The following PSTPIP2 variants were observed in gnomAD, a reference collection of about 807,000 sequenced individuals.
PSTPIP2 encodes the protein proline-serine-threonine phosphatase-interacting protein 2.
A neutral mutation model predicts 63.3 loss-of-function variants in PSTPIP2; 33 were observed. The observed-to-expected ratio is 0.52, with a 90% confidence interval of 0.40 to 0.70. PSTPIP2 has a LOEUF of 0.70. Ranked by LOEUF, PSTPIP2 falls within the 30% of genes least tolerant of loss-of-function variation. The probability of loss-of-function intolerance (pLI) is 0.00; values close to 1 mark genes in which losing one functional copy is unlikely to be tolerated. For missense variants in PSTPIP2, 312 were observed against 400.7 expected, an observed-to-expected ratio of 0.78 and a Z score of 1.89; for synonymous variants, 125 against 132.7, an observed-to-expected ratio of 0.94 and a Z score of 0.40.
At chr18:46,072,034 G>GC in intron 1 of PSTPIP2, 122 bp downstream of exon 1, 1 of 1,273,084 alleles carries the variant, frequency 7.9e-7, no homozygotes. Context: ...GCTCCGCCAA[G>GC]CCCCCGGGCG....
intron 13 of PSTPIP2, among the ~76,000 whole-genome samples, chr18:45,990,471 C>T (rs2051516256): frequency 6.6e-6 from 1 of 151,868 alleles, no homozygotes. Context: ...GACTCTGTCA[C>T]CAGGCTGGAG....
intron 5 of PSTPIP2, chr18:46,010,641 A>C (rs1412001666): frequency 1.3e-5 from 2 of 152,564 alleles, no homozygotes; most frequent in Non-Finnish European, 2.9e-5. Flanking sequence ...GTCTTCTTCC[A>C]TGTAGTTGGT....
Position 46,011,196 on chromosome 18 carries a change from T to C in PSTPIP2, c.339A>G (p.Lys113=), listed in dbSNP as rs1050599014. Residue 113 remains lysine (K), a synonymous_variant, in exon 5 of 15, where the codon AAA becomes AAG. Transcript: ENST00000409746. ...CAAATCCAACCTTTTTTCGTTGTAG[T>C]TTTTGCTTTTCCCTGAATTCTTCCA... ...RKMEEFREKQ[K]LQRKKTELIM... 5 of 1,613,326 alleles carry C rather than the reference T, an allele frequency of 3.1e-6. No homozygotes were observed. The highest frequency in any genetic ancestry group is 2.7e-5 in the African/African-American group (2 of 74,884).
chr18:46,072,237 G>T lies in PSTPIP2; in HGVS notation c.-49C>A. The T allele has an allele frequency of 6.6e-7, 1 of 1,521,110 alleles. No homozygotes were observed. The highest frequency in any genetic ancestry group is 8.8e-7 in the Non-Finnish European group (1 of 1,134,016). The allele number at this position is 1,521,110 out of a possible 1,614,324, so 94.2% of individuals were successfully genotyped here. ...GGAGAGCCGGGCCGCAGGTAGCACA[G>T]AGCGGGGAGGCCTGACTGCCACTGC... is the stretch of plus-strand genomic sequence containing the variant. On this transcript the variant is annotated 5_prime_UTR_variant, in exon 1 of 15. In the 5' UTR this introduces an upstream ATG that the reference lacks. Transcript: ENST00000409746.
At chr18:45,991,331 C>T (rs1343604697) in intron 12 of PSTPIP2, among the ~76,000 whole-genome samples, 3 of 152,118 alleles carry the variant, frequency 2.0e-5, no homozygotes, top group Admixed American at 6.6e-5. Flanking sequence ...GAGTAAAGGG[C>T]CAAGTAGTAA....
intron 5 of PSTPIP2, among the ~76,000 whole-genome samples, chr18:46,007,101 G>A (rs919631922): frequency 3.3e-5 from 5 of 152,236 alleles, no homozygotes; most frequent in African/African-American, 7.2e-5. Flanking sequence ...TGACACTAAC[G>A]CTGTGCAAAA....
At chr18:45,999,401 C>T in intron 7 of PSTPIP2, 35 bp downstream of exon 7, 1 of 1,599,212 alleles carries the variant, frequency 6.3e-7, no homozygotes, top group South Asian at 1.1e-5. Flanking sequence ...ATAGGTCAGT[C>T]TCAGATTTTT....
intron 1 of PSTPIP2, among the ~76,000 whole-genome samples, chr18:46,051,599 A>T (rs1908584898): frequency 6.6e-6 from 1 of 152,224 alleles, no homozygotes. Flanking sequence ...CATAAGAGTC[A>T]GTAGATTTCA....
chr18:45,990,750 T>A lies in PSTPIP2; in HGVS notation c.927A>T (p.Gly309=). The part of the protein sequence containing the change: ...KATGPNLARR[G]PLPIPKSSPD... Reference sequence around the variant, plus strand: ...GTGAGCTTTTAGGAATTGGGAGGGGTCCTCTCCTGTAAGAAATGAAAACCA... The same window carrying A: ...GTGAGCTTTTAGGAATTGGGAGGGGACCTCTCCTGTAAGAAATGAAAACCA... Residue 309 remains glycine, a synonymous_variant, in exon 13 of 15, where the codon GGA becomes GGT. Transcript: ENST00000409746. 1.2e-6 allele frequency: 2 copies of A among 1,603,804 alleles called. No individual in the cohort carries two copies. The highest frequency in any genetic ancestry group is 1.1e-5 in the South Asian group (1 of 90,470).
At chr18:46,016,126 A>G (rs962925206) in intron 3 of PSTPIP2, 189 bp from the exon 4 acceptor site, 6 of 602,476 alleles carry the variant, frequency 1.0e-5, no homozygotes, top group South Asian at 4.4e-5. Context: ...TCCCAGGCAC[A>G]AGAAATTCTT....
At chr18:46,021,229 TAAAAC>T (rs933624166) in intron 3 of PSTPIP2, among the ~76,000 whole-genome samples, 2 of 152,110 alleles carry the variant, frequency 1.3e-5, no homozygotes, top group Non-Finnish European at 2.9e-5. Flanking sequence ...CCCTATAATT[TAAAAC>T]AAACCGAAAC....
Position 45,985,130 on chromosome 18 carries a change from C to T in PSTPIP2, c.*329G>A. 2.8e-6 allele frequency: 1 copy of T among 351,842 alleles called. No individual in the cohort carries two copies. Among genetic ancestry groups the T allele is most frequent in the South Asian group, 4.9e-5 (1 of 20,394 alleles). 21.8% of individuals were successfully genotyped at this position (351,842 alleles called of 1,614,324 possible). A position where few individuals can be genotyped will look rare whatever the true frequency, so the allele number is the denominator to read the frequency against. On this transcript the variant is annotated 3_prime_UTR_variant, in exon 15 of 15. Transcript: ENST00000409746. ...GTTGGTGGCTCAGAATCCTCTGCTG[C>T]CACCTCTGCTCCTCAAGTGGATGCT...
rs2051456180 is a variant in PSTPIP2 at position 45,985,299 on chromosome 18, C to T, written c.*160G>A. ...CAGAACTCTACTTGCTTATGTTGTC[C>T]TAAATGTCTACCATAAATTTTAAAT... On this transcript the variant is annotated 3_prime_UTR_variant, in exon 15 of 15. Coordinates refer to ENST00000409746, the MANE Select transcript of PSTPIP2 (RefSeq NM_024430.4). 9.7e-7 allele frequency: 1 copy of T among 1,032,148 alleles called. No individual in the cohort carries two copies. Among genetic ancestry groups the T allele is most frequent in the Non-Finnish European group, 1.4e-6 (1 of 706,260 alleles). 63.9% of individuals were successfully genotyped at this position (1,032,148 alleles called of 1,614,324 possible).
rs769653768 is a variant in PSTPIP2 at position 45,988,757 on chromosome 18, C to A, written c.958G>T (p.Asp320Tyr). 1 of 1,561,220 alleles carries A rather than the reference C, an allele frequency of 6.4e-7. No individual in the cohort carries two copies. Among genetic ancestry groups the A allele is most frequent in the East Asian group, 2.2e-5 (1 of 44,564 alleles). The change falls in exon 14 of 15, where the codon GAT (aspartate) becomes TAT (tyrosine). Residue 320 changes from aspartate (D) to tyrosine (Y), a missense_variant and splice_region_variant. By Grantham distance (160) the Asp-to-Tyr change is radical (BLOSUM62 -3). Transcript: ENST00000409746. ...TCATCAACCAAAGAGTAATTGGGAT[C>A]ATCTGCAAAAGGCAGAACACAGAAA... ...PLPIPKSSPDDPNYSLVDDYS... is the reference protein window; with the variant it reads ...PLPIPKSSPDYPNYSLVDDYS...
chr18:46,044,336 C>T (rs1908303492), intron 1 of PSTPIP2, among the ~76,000 whole-genome samples: 1 of 152,074 alleles, frequency 6.6e-6, no homozygotes, highest in Non-Finnish European at 1.5e-5. Flanking sequence ...CAGAACAGAG[C>T]CCTCAGAAAT....
intron 1 of PSTPIP2, among the ~76,000 whole-genome samples, chr18:46,045,773 C>T (rs761961580): frequency 1.3e-5 from 2 of 152,128 alleles, no homozygotes; most frequent in Non-Finnish European, 2.9e-5. Context: ...ACTCATACCA[C>T]CTGACTTTGA....
intron 2 of PSTPIP2, among the ~76,000 whole-genome samples, chr18:46,025,747 CTG>C (rs1473029305): frequency 1.3e-5 from 2 of 152,060 alleles, no homozygotes; most frequent in African/African-American, 4.8e-5. Flanking sequence ...ATCTGAACAT[CTG>C]TGGACATATA....
In PSTPIP2 at chr18:46,050,866, CT is replaced by C. The variant is rs556150321; in HGVS notation, c.34-10820del. ...TCTCTATCTCTGAACTGTGTGCATTCTTTTTTTTTTTTTTGAGATGGAGTCT... is the reference window on the plus strand; with the variant it reads ...TCTCTATCTCTGAACTGTGTGCATTCTTTTTTTTTTTTTGAGATGGAGTCT... On this transcript the variant is annotated intron_variant, in intron 1 of 14. Transcript: ENST00000409746. Among the ~76,000 whole-genome samples the C allele has an allele frequency of 4.1e-3, 580 of 142,544 alleles. 1 individual carries two copies. The highest frequency in any genetic ancestry group is 6.0e-3 in the African/African-American group (234 of 39,300). 93.5% of individuals were successfully genotyped at this position (142,544 alleles called of 152,430 possible). A position where few individuals can be genotyped will look rare whatever the true frequency, so the allele number is the denominator to read the frequency against.
chr18:46,066,034 T>C (rs924247070), intron 1 of PSTPIP2, among the ~76,000 whole-genome samples: 2 of 152,068 alleles, frequency 1.3e-5, no homozygotes, highest in Non-Finnish European at 2.9e-5. Context: ...TAACCTTAAT[T>C]TTATGTTAAT....
Sources: gnomAD v4.1 joint callset for allele counts (sites outside exome capture counted in the v4.1 genomes callset) on GRCh38, gnomAD v4.1.1 for gene constraint, MANE v1.5 for transcripts, NCBI Gene and HGNC (gene_info 2026-07-23, HGNC 2026-07-21) for gene names.